BRD10: variants seen among roughly 807,000 people sequenced by gnomAD.
The protein encoded by BRD10 is bromodomain containing 10, also known as uncharacterized bromodomain-containing protein 10.
chr9:5,920,038 T>G, the BRD10 span: 2 of 1,613,992 alleles, frequency 1.2e-6, no homozygotes, highest in East Asian at 4.5e-5. Flanking sequence ...CAGTTGTGTT[T>G]ATGAGTTGTG....
the BRD10 span, among the ~76,000 whole-genome samples, chr9:5,975,061 T>C: frequency 1.3e-5 from 2 of 152,116 alleles, no homozygotes; most frequent in African/African-American, 2.4e-5. Context: ...CCAAGGCTAC[T>C]AGGCATGCAA....
At chr9:5,990,127 G>C in the BRD10 span, among the ~76,000 whole-genome samples, 1 of 152,154 alleles carries the variant, frequency 6.6e-6, no homozygotes, top group African/African-American at 2.4e-5. Flanking sequence ...ACCATTTTAG[G>C]CTGTGATCCT....
chr9:5,977,097 G>A, the BRD10 span, among the ~76,000 whole-genome samples: 1 of 152,302 alleles, frequency 6.6e-6, no homozygotes, highest in Admixed American at 6.5e-5. Flanking sequence ...TTTCCTAGCA[G>A]GTCAGTATAA....
At chr9:5,934,826 T>C in the BRD10 span, among the ~76,000 whole-genome samples, 1 of 152,212 alleles carries the variant, frequency 6.6e-6, no homozygotes, top group Non-Finnish European at 1.5e-5. Context: ...AAAGGTATAA[T>C]CTAAACTCAC....
chr9:5,987,725 G>A, the BRD10 span, among the ~76,000 whole-genome samples: 2 of 152,254 alleles, frequency 1.3e-5, no homozygotes, highest in South Asian at 4.1e-4. Context: ...TTCGCAATTT[G>A]ATTTAGTACT....
At chr9:5,904,591 G>A in the BRD10 span, among the ~76,000 whole-genome samples, 1 of 151,972 alleles carries the variant, frequency 6.6e-6, no homozygotes, top group African/African-American at 2.4e-5. Flanking sequence ...TCCTGTCTCA[G>A]CCTCCTGAGT....
the BRD10 span, among the ~76,000 whole-genome samples, chr9:5,937,758 A>G: frequency 1.3e-5 from 2 of 152,210 alleles, no homozygotes; most frequent in Non-Finnish European, 2.9e-5. Context: ...GATTCAAACC[A>G]TCAAGCCAAA....
chr9:5,967,939 C>A, the BRD10 span: 5 of 863,160 alleles, frequency 5.8e-6, no homozygotes, highest in East Asian at 1.3e-4. Flanking sequence ...CTCTCTCAAT[C>A]AAAGCATCCA....
the BRD10 span, among the ~76,000 whole-genome samples, chr9:5,930,705 T>C: frequency 2.6e-5 from 4 of 152,162 alleles, no homozygotes; most frequent in South Asian, 2.1e-4. Flanking sequence ...TAATTTTTAT[T>C]TCATATATTA....
chr9:5,984,733 G>A, the BRD10 span, among the ~76,000 whole-genome samples: 1 of 151,942 alleles, frequency 6.6e-6, no homozygotes, highest in Non-Finnish European at 1.5e-5. Flanking sequence ...ACTTACAATT[G>A]TATAAAAACC....
At chr9:5,942,017 T>C in the BRD10 span, among the ~76,000 whole-genome samples, 1 of 151,996 alleles carries the variant, frequency 6.6e-6, no homozygotes, top group Admixed American at 6.6e-5. Flanking sequence ...AAATATTTTA[T>C]AAATATATTT....
At chr9:5,920,050 T>G in the BRD10 span, 1 of 1,613,940 alleles carries the variant, frequency 6.2e-7, no homozygotes, top group Non-Finnish European at 8.5e-7. Flanking sequence ...TGAGTTGTGG[T>G]GATGTATGTA....
the BRD10 span, among the ~76,000 whole-genome samples, chr9:5,879,354 A>G: frequency 1.3e-5 from 2 of 152,060 alleles, no homozygotes; most frequent in South Asian, 2.1e-4. Context: ...GGGAAGGGCA[A>G]CAGAGCAAGA....
chr9:5,977,255 T>A, the BRD10 span, among the ~76,000 whole-genome samples: 4 of 152,202 alleles, frequency 2.6e-5, no homozygotes, highest in African/African-American at 9.7e-5. Flanking sequence ...CTACTCACAC[T>A]GCTGCTGTTC....
At chr9:5,991,766 C>G in the BRD10 span, among the ~76,000 whole-genome samples, 1 of 150,214 alleles carries the variant, frequency 6.7e-6, no homozygotes, top group South Asian at 2.1e-4. Flanking sequence ...ATGCCACTAC[C>G]TTGCTCTGTC....
chr9:5,987,667 A>G, the BRD10 span, among the ~76,000 whole-genome samples: 1 of 152,222 alleles, frequency 6.6e-6, no homozygotes, highest in East Asian at 1.9e-4. Flanking sequence ...ATTGCCTCTG[A>G]CCAGCATTAA....
the BRD10 span, among the ~76,000 whole-genome samples, chr9:6,005,891 A>T: frequency 6.6e-6 from 1 of 152,220 alleles, no homozygotes; most frequent in Non-Finnish European, 1.5e-5. Context: ...CTATGAAAGG[A>T]TTCAAGAAGA....
At chr9:5,987,206 T>C in the BRD10 span, among the ~76,000 whole-genome samples, 1 of 152,202 alleles carries the variant, frequency 6.6e-6, no homozygotes, top group African/African-American at 2.4e-5. Context: ...TCACTACTAT[T>C]ATTACAACTA....
the BRD10 span, among the ~76,000 whole-genome samples, chr9:5,905,263 C>T: frequency 2.8e-3 from 427 of 152,248 alleles, 2 homozygotes; most frequent in African/African-American, 9.8e-3. Flanking sequence ...ACTGAATGGA[C>T]CCCCTCTTCA....
Sources: allele counts gnomAD v4.1 joint callset (sites outside exome capture counted in the v4.1 genomes callset), GRCh38; gene constraint gnomAD v4.1.1; transcripts MANE v1.5; gene names NCBI Gene and HGNC (gene_info 2026-07-23, HGNC 2026-07-21).